PSD3: variants seen among roughly 807,000 people sequenced by gnomAD.
PSD3 encodes the protein PH and SEC7 domain-containing protein 3.
PSD3 carries 49 observed loss-of-function variants against 105.5 expected under a neutral mutation model. The ratio of observed to expected loss-of-function variants is 0.46; its 90% confidence interval spans 0.37 to 0.59. The LOEUF is 0.59. PSD3 is among the 20% of genes least tolerant of loss of function. PSD3 has a pLI of 0.00. For missense variants in PSD3, 1,561 were observed against 1,263.8 expected (o/e 1.24, Z -3.57); for synonymous variants, 557 against 457.8 (o/e 1.22, Z -2.77).
upstream of PSD3, among the ~76,000 whole-genome samples, chr8:19,014,783 C>T (rs1270570790): frequency 2.0e-5 from 3 of 152,242 alleles, no homozygotes; most frequent in Non-Finnish European, 2.9e-5. The surrounding 1 kb of genome is among the most constrained non-coding windows in gnomAD (Gnocchi z 4.9). Flanking sequence ...TCAGCATGGG[C>T]TGCCCGGTGA....
chr8:18,634,729 G>T (rs1351661982), intron 10 of PSD3, among the ~76,000 whole-genome samples: 2 of 152,068 alleles, frequency 1.3e-5, no homozygotes, highest in Admixed American at 6.6e-5. Flanking sequence ...TAGACGTTAT[G>T]CATTTTTTGG....
At position 18,652,493 on chromosome 8, in the gene PSD3, G is replaced by GTTTTT. The variant is rs67555804; in HGVS notation, c.2216+3144_2216+3148dup. 2.6e-3 allele frequency among the ~76,000 whole-genome samples: 242 copies of GTTTTT among 92,584 alleles called. 6 individuals are homozygous for GTTTTT. The highest frequency in any genetic ancestry group is 5.6e-3 in the African/African-American group (129 of 23,186). 60.7% of individuals were successfully genotyped at this position (92,584 alleles called of 152,430 possible). On this transcript the variant is annotated intron_variant, in intron 10 of 15. Transcript: ENST00000327040. ...ACACTTTTATCAAGGAAAAAGCTTAGTTTTTTTTTTTTTTTTTTTTTTGAG... is the reference window on the plus strand; with the variant it reads ...ACACTTTTATCAAGGAAAAAGCTTAGTTTTTTTTTTTTTTTTTTTTTTTTTTTGAG...
intron 11 of PSD3, among the ~76,000 whole-genome samples, chr8:18,610,020 T>C (rs774782889): frequency 1.3e-5 from 2 of 152,210 alleles, no homozygotes; most frequent in African/African-American, 4.8e-5. Context: ...ACTAAAACAG[T>C]ACTATTACTA....
At position 18,872,194 on chromosome 8, in the gene PSD3, C is replaced by T. The variant is rs1817412257; in HGVS notation, c.670G>A (p.Asp224Asn). The change falls in exon 3 of 16, where the codon GAC becomes AAC. Residue 224 changes from aspartate to asparagine, a missense_variant. Asp to Asn is a conservative substitution (Grantham distance 23, BLOSUM62 1). Coordinates refer to ENST00000327040, the MANE Select transcript of PSD3 (RefSeq NM_015310.4). ...ATCTGGGAAATCTCTGCCTGAGTGT[C>T]TCCAGTTAACAGCGCGGTGAGATCT... ...QKDLTALLTGDTQAEISQIMN... is the reference protein window; with the variant it reads ...QKDLTALLTGNTQAEISQIMN... 6.2e-7 allele frequency: 1 copy of T among 1,614,064 alleles called. No homozygotes were observed. The highest frequency in any genetic ancestry group is 1.3e-5 in the African/African-American group (1 of 74,920).
intron 1 of PSD3, chr8:19,000,111 C>T (rs1586606711): frequency 6.6e-6 from 1 of 150,986 alleles, no homozygotes; most frequent in Non-Finnish European, 1.5e-5. Flanking sequence ...AAAAATATGA[C>T]TTGGCACAGT....
chr8:18,659,183 C>T (rs1480406339), intron 9 of PSD3, among the ~76,000 whole-genome samples: 3 of 152,118 alleles, frequency 2.0e-5, no homozygotes, highest in African/African-American at 4.8e-5. Context: ...TCCTGAACTT[C>T]GCAGCCTCCC....
intron 9 of PSD3, among the ~76,000 whole-genome samples, chr8:18,668,109 G>T (rs753645046): frequency 6.6e-6 from 1 of 152,226 alleles, no homozygotes; most frequent in African/African-American, 2.4e-5. Flanking sequence ...TCCGGCCTCG[G>T]TCAGCCCAGA....
chr8:18,851,777 A>G (rs1418962124), intron 4 of PSD3, among the ~76,000 whole-genome samples: 3 of 152,242 alleles, frequency 2.0e-5, no homozygotes, highest in Non-Finnish European at 4.4e-5. Context: ...GGCAGTTTCA[A>G]ATCAGCTCCC....
intron 8 of PSD3, among the ~76,000 whole-genome samples, chr8:18,773,442 A>G (rs1807737673): frequency 1.3e-5 from 2 of 152,076 alleles, no homozygotes; most frequent in African/African-American, 4.8e-5. Flanking sequence ...TCTTTTTCAA[A>G]ACTGTTATGA....
chr8:18,923,077 A>G (rs6986062), intron 2 of PSD3, among the ~76,000 whole-genome samples: 2,529 of 152,282 alleles, frequency 0.017, 80 homozygotes, highest in African/African-American at 0.058. Context: ...TGGGACTGAA[A>G]GTCTCAACCC....
intron 2 of PSD3, among the ~76,000 whole-genome samples, chr8:18,928,692 CTTT>C (rs894744345): frequency 6.6e-6 from 1 of 151,462 alleles, no homozygotes; most frequent in Non-Finnish European, 1.5e-5. Flanking sequence ...TCCTTTTTTT[CTTT>C]TTATCTTTCT....
intron 2 of PSD3, among the ~76,000 whole-genome samples, chr8:18,933,153 A>G: frequency 6.6e-6 from 1 of 152,220 alleles, no homozygotes; most frequent in East Asian, 1.9e-4. Context: ...ATAACATCAC[A>G]CCAGGAGCAA....
intron 11 of PSD3, 83 bp from the exon 12 acceptor site, chr8:18,600,517 G>T: frequency 8.7e-7 from 1 of 1,145,534 alleles, no homozygotes; most frequent in Non-Finnish European, 1.3e-6. Flanking sequence ...TGGTGACAGT[G>T]TTTCAATATT....
At chr8:18,874,806 AG>A (rs1188728893) in intron 2 of PSD3, among the ~76,000 whole-genome samples, 2 of 152,138 alleles carry the variant, frequency 1.3e-5, no homozygotes, top group African/African-American at 2.4e-5. Flanking sequence ...TACTAATAAT[AG>A]GTGTATTGCT....
At chr8:18,858,715 A>C (rs1177367424) in intron 4 of PSD3, among the ~76,000 whole-genome samples, 1 of 152,186 alleles carries the variant, frequency 6.6e-6, no homozygotes, top group Non-Finnish European at 1.5e-5. Flanking sequence ...TTATTCACCC[A>C]TAAGAAGCAA....
chr8:18,774,756 G>A (rs991730321), intron 8 of PSD3: 48 of 385,592 alleles, frequency 1.2e-4, no homozygotes, highest in Admixed American at 2.7e-4. Context: ...GAGAACACAG[G>A]CAACAGATTT....
chr8:18,953,464 A>AT (rs1233036166), intron 1 of PSD3, among the ~76,000 whole-genome samples: 2 of 152,206 alleles, frequency 1.3e-5, no homozygotes, highest in African/African-American at 4.8e-5. Flanking sequence ...AAATGGCTAA[A>AT]TAGGCCGGGT....
At chr8:18,833,373 T>C (rs2129450601) in intron 4 of PSD3, among the ~76,000 whole-genome samples, 1 of 152,300 alleles carries the variant, frequency 6.6e-6, no homozygotes, top group South Asian at 2.1e-4. Flanking sequence ...AAAACACTTT[T>C]CCCTTTGCTT....
chr8:18,976,380 T>C (rs1228631252), intron 1 of PSD3, among the ~76,000 whole-genome samples: 1 of 152,232 alleles, frequency 6.6e-6, no homozygotes, highest in Non-Finnish European at 1.5e-5. Flanking sequence ...GCATCTGTGA[T>C]ACCCAGGACT....
Sources: gnomAD v4.1 joint callset for allele counts (sites outside exome capture counted in the v4.1 genomes callset) on GRCh38, gnomAD v4.1.1 for gene constraint, Gnocchi (gnomAD v3.1) non-coding constraint, MANE v1.5 for transcripts, NCBI Gene and HGNC (gene_info 2026-07-23, HGNC 2026-07-21) for gene names.